Variants in SLC9A4 observed in about 807,000 individuals in gnomAD.
SLC9A4 encodes the protein sodium/hydrogen exchanger 4.
SLC9A4 carries 63 observed loss-of-function variants against 67.4 expected under a neutral mutation model. The observed-to-expected ratio is 0.93, with a 90% confidence interval of 0.76 to 1.15. The LOEUF is 1.15. Among genes scored for constraint, SLC9A4 ranks in the 50% most tolerant of loss-of-function variants. SLC9A4 has a pLI of 0.00. For missense variants in SLC9A4, 1,089 were observed against 987.7 expected (o/e 1.10, Z -1.38); for synonymous variants, 393 against 367.2 (o/e 1.07, Z -0.80).
Position 102,508,150 on chromosome 2 carries a change from AT to A in SLC9A4, c.1274del (p.Phe425SerfsTer33). 6.2e-7 allele frequency: 1 copy of A among 1,613,932 alleles called. No individual in the cohort carries two copies. The highest frequency in any genetic ancestry group is 1.1e-5 in the South Asian group (1 of 91,066). On this transcript the variant is annotated frameshift_variant, in exon 5 of 12. Transcript: ENST00000295269. LOFTEE classifies it high-confidence loss of function. ...FPFSIKDQCI[I>X]FYSGVRGAGS... ...CTTCTCCATCAAGGACCAGTGCATCATTTTCTACAGTGGTGTTCGAGGAGCT... is the reference window on the plus strand; with the variant it reads ...CTTCTCCATCAAGGACCAGTGCATCATTTCTACAGTGGTGTTCGAGGAGCT...
chr2:102,493,758 T>C (rs1684752370), intron 2 of SLC9A4, among the ~76,000 whole-genome samples: 1 of 151,956 alleles, frequency 6.6e-6, no homozygotes, highest in African/African-American at 2.4e-5. Context: ...AACTCATAGT[T>C]GTTCATGGTC....
At chr2:102,499,046 G>A (rs142689499) in intron 2 of SLC9A4, among the ~76,000 whole-genome samples, 24 of 152,296 alleles carry the variant, frequency 1.6e-4, no homozygotes, top group African/African-American at 5.5e-4. Context: ...ACAGAAGCTG[G>A]ATGGGACTGT....
chr2:102,525,361 C>T (rs1674640713), intron 10 of SLC9A4, among the ~76,000 whole-genome samples: 1 of 152,008 alleles, frequency 6.6e-6, no homozygotes, highest in Admixed American at 6.5e-5. Flanking sequence ...AAGGCATCTG[C>T]CCATAGGGTG....
intron 9 of SLC9A4, among the ~76,000 whole-genome samples, chr2:102,524,442 A>G (rs1674615398): frequency 6.6e-6 from 1 of 152,188 alleles, no homozygotes; most frequent in Non-Finnish European, 1.5e-5. Context: ...ACATTCTCAT[A>G]AAGCTAAATT....
intron 7 of SLC9A4, among the ~76,000 whole-genome samples, chr2:102,513,095 G>A (rs1257300178): frequency 1.3e-5 from 2 of 152,182 alleles, no homozygotes; most frequent in Non-Finnish European, 2.9e-5. Context: ...AAGAAAGTCA[G>A]GGAGGGTGTT....
intron 2 of SLC9A4, 105 bp downstream of exon 2, chr2:102,479,407 G>A (rs1027020572): frequency 1.7e-6 from 2 of 1,202,488 alleles, no homozygotes; most frequent in Non-Finnish European, 2.3e-6. Flanking sequence ...CAGCGCAGCA[G>A]GACAGGGATG....
Position 102,479,020 on chromosome 2 carries a change from GC to G in SLC9A4, c.441del (p.Thr148ProfsTer20). ...PIVLEGGYFM[P>X]TRPFFENIGS... The stretch of plus-strand genomic sequence containing the variant: ...TCGTTCTGGAGGGCGGCTACTTCAT[GC>G]CCACCCGGCCCTTCTTTGAGAACAT... On this transcript the variant is annotated frameshift_variant, in exon 2 of 12. Coordinates refer to ENST00000295269, the MANE Select transcript of SLC9A4 (RefSeq NM_001011552.4). LOFTEE classifies it high-confidence loss of function. 1 of 1,614,152 alleles carries G rather than the reference GC, an allele frequency of 6.2e-7. No homozygotes were observed.
At chr2:102,499,657 T>A (rs1203022575) in intron 2 of SLC9A4, among the ~76,000 whole-genome samples, 2 of 152,166 alleles carry the variant, frequency 1.3e-5, no homozygotes, top group Admixed American at 1.3e-4. Flanking sequence ...TTCTTCTTCA[T>A]CTTCCCCAGC....
At chr2:102,516,779 G>T (rs1685285398) in intron 8 of SLC9A4, among the ~76,000 whole-genome samples, 2 of 152,096 alleles carry the variant, frequency 1.3e-5, no homozygotes, top group Non-Finnish European at 1.5e-5. Flanking sequence ...ACCAGTGAGT[G>T]GTAAGCTGTT....
chr2:102,511,379 C>G (rs1685160127), intron 6 of SLC9A4, among the ~76,000 whole-genome samples: 1 of 152,100 alleles, frequency 6.6e-6, no homozygotes, highest in African/African-American at 2.4e-5. Context: ...TTGCATAATC[C>G]ACCTAAGTCC....
At chr2:102,485,450 T>TAGC (rs1454189238) in intron 2 of SLC9A4, among the ~76,000 whole-genome samples, 1 of 152,238 alleles carries the variant, frequency 6.6e-6, no homozygotes, top group Admixed American at 6.5e-5. Flanking sequence ...CATTAGATTC[T>TAGC]ATATCTCCTG....
chr2:102,473,870 T>C lies in SLC9A4; in HGVS notation c.111T>C (p.Thr37=), dbSNP rs768469796. 5 of 1,614,030 alleles carry C rather than the reference T, an allele frequency of 3.1e-6. No homozygotes were observed. In the African/African-American group the frequency reaches 6.7e-5, roughly 22 times the overall value. ...SSDLNESANS[T]AQYASNAWFA... ...ATTTGAATGAATCTGCAAATTCCAC[T>C]GCTCAGTATGCATCTAACGCTTGGT... Residue 37 remains threonine, a synonymous_variant, in exon 1 of 12, where the codon ACT becomes ACC. Coordinates refer to ENST00000295269, the MANE Select transcript of SLC9A4 (RefSeq NM_001011552.4).
chr2:102,509,391 A>T (rs1030629080), intron 6 of SLC9A4, among the ~76,000 whole-genome samples: 6 of 152,232 alleles, frequency 3.9e-5, no homozygotes, highest in African/African-American at 9.6e-5. Context: ...CTCCAGCTTA[A>T]GGTCAGCTGA....
At chr2:102,491,191 T>A (rs923112689) in intron 2 of SLC9A4, among the ~76,000 whole-genome samples, 12 of 152,122 alleles carry the variant, frequency 7.9e-5, no homozygotes, top group African/African-American at 2.9e-4. Context: ...AAATATTGGA[T>A]AAGCAGTACT....
chr2:102,483,035 T>C (rs1173941371), intron 2 of SLC9A4, among the ~76,000 whole-genome samples: 1 of 152,190 alleles, frequency 6.6e-6, no homozygotes, highest in Non-Finnish European at 1.5e-5. Context: ...GCAACATGTG[T>C]TTGACTTCCC....
chr2:102,518,906 G>A (rs1200651648), intron 8 of SLC9A4, among the ~76,000 whole-genome samples: 1 of 152,152 alleles, frequency 6.6e-6, no homozygotes, highest in African/African-American at 2.4e-5. Context: ...ATATCAAGAT[G>A]TTAAGGAAGG....
intron 2 of SLC9A4, among the ~76,000 whole-genome samples, chr2:102,489,743 T>A (rs542877603): frequency 6.6e-6 from 1 of 152,208 alleles, no homozygotes; most frequent in Non-Finnish European, 1.5e-5. Flanking sequence ...AACTTCCCTA[T>A]CCTGGGCTTC....
At chr2:102,516,058 A>C (rs1685270690) in intron 8 of SLC9A4, among the ~76,000 whole-genome samples, 1 of 152,194 alleles carries the variant, frequency 6.6e-6, no homozygotes, top group Non-Finnish European at 1.5e-5. Flanking sequence ...GCTTATCTAA[A>C]TGAGAATCAG....
chr2:102,480,643 T>G (rs1684441272), intron 2 of SLC9A4, among the ~76,000 whole-genome samples: 1 of 152,268 alleles, frequency 6.6e-6, no homozygotes, highest in Non-Finnish European at 1.5e-5. Context: ...TTCGTATTTT[T>G]ACATGATGTT....
Sources: gnomAD v4.1 joint callset for allele counts (sites outside exome capture counted in the v4.1 genomes callset) on GRCh38, gnomAD v4.1.1 for gene constraint, MANE v1.5 for transcripts, NCBI Gene and HGNC (gene_info 2026-07-23, HGNC 2026-07-21) for gene names.